The following FAM171A1 variants were observed in gnomAD, a reference collection of about 807,000 sequenced individuals.
FAM171A1 encodes family with sequence similarity 171 member A1, also known as protein FAM171A1.
A neutral mutation model predicts 74.9 loss-of-function variants in FAM171A1; 23 were observed. The ratio of observed to expected loss-of-function variants is 0.31; its 90% confidence interval spans 0.22 to 0.44. The LOEUF (loss-of-function observed/expected upper bound fraction) is 0.44. Ranked by LOEUF, FAM171A1 falls within the 20% of genes least tolerant of loss-of-function variation. FAM171A1 has a pLI of 1.00. For synonymous variants in FAM171A1, 527 were observed against 505.7 expected (o/e 1.04, Z -0.57); for missense variants, 1,162 against 1,159.2 (o/e 1.00, Z -0.03).
Position 15,317,267 on chromosome 10 carries a change from T to C in FAM171A1, c.98-33162A>G, listed in dbSNP as rs375513404. 6.6e-5 allele frequency among the ~76,000 whole-genome samples: 10 copies of C among 152,080 alleles called. No individual in the cohort carries two copies. The South Asian group carries it at 2.1e-3, about 32-fold the overall frequency. ...AGGGGTCGCATTCAGCTTTAGAAAC[T>C]TGAATGCCACAGATAAGGGCTGGGT... On this transcript the variant is annotated intron_variant, in intron 1 of 7. Transcript: ENST00000378116.
chr10:15,254,651 A>G lies in FAM171A1; in HGVS notation c.577+70T>C. Reference sequence around the variant, plus strand: ...CCACATAGTGCTAAAACTCCCAATCATACCTAAAATCCACATGTAAAGACT... The same window carrying G: ...CCACATAGTGCTAAAACTCCCAATCGTACCTAAAATCCACATGTAAAGACT... On this transcript the variant is annotated intron_variant, in intron 4 of 7. Coordinates refer to ENST00000378116, the MANE Select transcript of FAM171A1 (RefSeq NM_001010924.2). 1.4e-5 allele frequency: 21 copies of G among 1,536,726 alleles called. No individual in the cohort carries two copies. In the South Asian group the frequency reaches 2.5e-4, roughly 19 times the overall value.
At chr10:15,351,196 C>T (rs1355208775) in intron 1 of FAM171A1, among the ~76,000 whole-genome samples, 1 of 152,210 alleles carries the variant, frequency 6.6e-6, no homozygotes, top group African/African-American at 2.4e-5. Flanking sequence ...GAATGACTGT[C>T]TGTGCTCAGT....
At chr10:15,338,020 T>C (rs1171843170) in intron 1 of FAM171A1, among the ~76,000 whole-genome samples, 2 of 152,022 alleles carry the variant, frequency 1.3e-5, no homozygotes, top group African/African-American at 4.8e-5. Context: ...ATAAATAAAT[T>C]CCTATTTAAA....
intron 3 of FAM171A1, among the ~76,000 whole-genome samples, chr10:15,265,895 T>G (rs1244428018): frequency 6.6e-6 from 1 of 152,028 alleles, no homozygotes; most frequent in Non-Finnish European, 1.5e-5. Flanking sequence ...TCTGCTGCAT[T>G]TGGTTACTGA....
At chr10:15,238,317 G>A (rs146787597) in intron 5 of FAM171A1, among the ~76,000 whole-genome samples, 2 of 152,250 alleles carry the variant, frequency 1.3e-5, no homozygotes, top group East Asian at 3.9e-4. Context: ...CTGAAAGGAA[G>A]GTGCAGATAT....
chr10:15,253,747 T>C (rs576184839), intron 4 of FAM171A1, among the ~76,000 whole-genome samples: 1 of 152,338 alleles, frequency 6.6e-6, no homozygotes, highest in East Asian at 1.9e-4. Flanking sequence ...TTTAAAATTT[T>C]AATGCTGTGA....
In FAM171A1 at chr10:15,229,668, CCCATCACCATCATCACCATCACCA is replaced by C. The variant is rs1564616671; in HGVS notation, c.755-8632_755-8609del. ...CATCACCATCATCACCATTGTCACC[CCCATCACCATCATCACCATCACCA>C]CCATCACCATCATCATCATCACCAC... On this transcript the variant is annotated intron_variant, in intron 5 of 7. Transcript: ENST00000378116. Among the ~76,000 whole-genome samples the C allele has an allele frequency of 9.5e-5, 11 of 115,472 alleles. No individual in the cohort carries two copies. The East Asian group carries it at 1.0e-3, about 11-fold the overall frequency. 75.8% of individuals were successfully genotyped at this position (115,472 alleles called of 152,430 possible). A position where few individuals can be genotyped will look rare whatever the true frequency, so the allele number is the denominator to read the frequency against.
chr10:15,281,767 A>C (rs2131806793), intron 2 of FAM171A1, among the ~76,000 whole-genome samples: 1 of 152,338 alleles, frequency 6.6e-6, no homozygotes, highest in Non-Finnish European at 1.5e-5. Flanking sequence ...AGGCTGAAGC[A>C]GGAGAATTGC....
At chr10:15,329,627 TAAAA>T (rs11302159) in intron 1 of FAM171A1, among the ~76,000 whole-genome samples, 39 of 140,818 alleles carry the variant, frequency 2.8e-4, no homozygotes, top group Non-Finnish European at 2.6e-4. Context: ...CCATCTCACT[TAAAA>T]AAAAAAAAAA....
intron 1 of FAM171A1, among the ~76,000 whole-genome samples, chr10:15,365,835 C>G (rs1454921936): frequency 1.3e-5 from 2 of 150,896 alleles, no homozygotes; most frequent in Non-Finnish European, 2.9e-5. Context: ...TGTTTGCAGA[C>G]AGACTTGAAT....
intron 5 of FAM171A1, chr10:15,240,658 T>C (rs12357227): frequency 0.075 from 71,665 of 956,928 alleles, 2,830 homozygotes; most frequent in Middle Eastern, 0.18. Flanking sequence ...TTCTCTCTCC[T>C]AAGAGTAAAC....
At position 15,244,362 on chromosome 10, in the gene FAM171A1, C is replaced by T. The variant is rs573222554; in HGVS notation, c.754+4277G>A. Among the ~76,000 whole-genome samples the T allele has an allele frequency of 5.3e-5, 8 of 151,818 alleles. No individual in the cohort carries two copies. In the East Asian group the frequency reaches 5.9e-4, roughly 11 times the overall value. On this transcript the variant is annotated intron_variant, in intron 5 of 7. Transcript: ENST00000378116. ...AGAGTGAGACTCCGTCTCAAAAAAGCCCCCCAAATTAGCTAGGCCTGGTGA... is the reference window on the plus strand; with the variant it reads ...AGAGTGAGACTCCGTCTCAAAAAAGTCCCCCAAATTAGCTAGGCCTGGTGA...
At chr10:15,223,717 A>G (rs1370586477) in intron 5 of FAM171A1, among the ~76,000 whole-genome samples, 1 of 152,036 alleles carries the variant, frequency 6.6e-6, no homozygotes, top group Non-Finnish European at 1.5e-5. Flanking sequence ...TGAGCAACAC[A>G]GCAAAACCCC....
chr10:15,268,358 C>G (rs1342951956), intron 3 of FAM171A1, among the ~76,000 whole-genome samples: 4 of 152,062 alleles, frequency 2.6e-5, no homozygotes, highest in African/African-American at 7.2e-5. Context: ...TGGTGGTATC[C>G]TGGATTTGTG....
intron 1 of FAM171A1, among the ~76,000 whole-genome samples, chr10:15,346,760 CCT>C (rs1263203934): frequency 6.6e-6 from 1 of 152,188 alleles, no homozygotes; most frequent in African/African-American, 2.4e-5. Context: ...AAATCAAAGC[CCT>C]GTGAACTAGG....
At chr10:15,269,576 C>A (rs1248495822) in intron 3 of FAM171A1, among the ~76,000 whole-genome samples, 1 of 152,126 alleles carries the variant, frequency 6.6e-6, no homozygotes, top group Admixed American at 6.6e-5. Context: ...TGTTTACAGA[C>A]ATCACAACCT....
chr10:15,254,609 C>T, intron 4 of FAM171A1, 112 bp downstream of exon 4: 1 of 1,197,182 alleles, frequency 8.4e-7, no homozygotes, highest in South Asian at 1.6e-5. Flanking sequence ...CCCTTCTGCA[C>T]CTTCAGTGCC....
At chr10:15,309,294 G>A (rs999794091) in intron 1 of FAM171A1, among the ~76,000 whole-genome samples, 2 of 152,106 alleles carry the variant, frequency 1.3e-5, no homozygotes, top group African/African-American at 4.8e-5. Flanking sequence ...CGCAGCCTCG[G>A]CCTCCCAGGC....
intron 1 of FAM171A1, among the ~76,000 whole-genome samples, chr10:15,364,435 T>C (rs1174699394): frequency 6.6e-6 from 1 of 152,206 alleles, no homozygotes; most frequent in Non-Finnish European, 1.5e-5. Flanking sequence ...GGTAAACCGA[T>C]GCAAAAACTC....
Sources: allele counts gnomAD v4.1 joint callset (sites outside exome capture counted in the v4.1 genomes callset), GRCh38; gene constraint gnomAD v4.1.1; transcripts MANE v1.5; gene names NCBI Gene and HGNC (gene_info 2026-07-23, HGNC 2026-07-21).